Variants in CNGA1 observed in about 807,000 individuals in gnomAD.
CNGA1 encodes the protein cyclic nucleotide gated channel subunit alpha 1, also known as cyclic nucleotide-gated channel alpha-1.
In CNGA1, 53 loss-of-function variants were observed where a neutral mutation model predicts 69.7. The observed-to-expected ratio is 0.76, with a 90% CI of 0.61 to 0.96. The LOEUF is 0.96. Ranked by LOEUF, CNGA1 falls within the 40% of genes least tolerant of loss-of-function variation. The pLI, the probability that CNGA1 is intolerant of heterozygous loss-of-function variation, is 0.00. For missense variants in CNGA1, 739 were observed against 811.2 expected (o/e 0.91, Z 1.08); for synonymous variants, 249 against 283.5 (o/e 0.88, Z 1.22).
chr4:47,990,154 C>T (rs1406533981), intron 2 of CNGA1, among the ~76,000 whole-genome samples: 1 of 152,054 alleles, frequency 6.6e-6, no homozygotes, highest in Non-Finnish European at 1.5e-5. Flanking sequence ...TGAAAAAGAA[C>T]AGAATAACAG....
chr4:48,012,085 AG>A (rs1715190978), intron 1 of CNGA1, among the ~76,000 whole-genome samples: 1 of 152,188 alleles, frequency 6.6e-6, no homozygotes, highest in Non-Finnish European at 1.5e-5. Flanking sequence ...AACATGTTTT[AG>A]GGTAAAATAA....
At chr4:48,015,702 A>G (rs1715348106) in intron 1 of CNGA1, among the ~76,000 whole-genome samples, 1 of 151,932 alleles carries the variant, frequency 6.6e-6, no homozygotes, top group Non-Finnish European at 1.5e-5. Flanking sequence ...TCCTGGGCTC[A>G]AGTCATCCGT....
intron 1 of CNGA1, among the ~76,000 whole-genome samples, chr4:48,011,427 A>T (rs917594996): frequency 6.6e-6 from 1 of 151,818 alleles, no homozygotes; most frequent in Non-Finnish European, 1.5e-5. Flanking sequence ...ACACACACAC[A>T]CACATCTTGG....
intron 9 of CNGA1, among the ~76,000 whole-genome samples, 154 bp from the exon 10 acceptor site, chr4:47,941,023 CGAT>C (rs1560620135): frequency 2.0e-5 from 3 of 152,106 alleles, no homozygotes; most frequent in African/African-American, 7.2e-5. Context: ...ATGGCTCTCC[CGAT>C]ATTTTCCCTG....
In CNGA1 at chr4:47,937,482, T is replaced by G; in HGVS notation, c.1000A>C (p.Asn334His). ...GCCAAACGGCCAAATTCAGGATCAT[T>G]AATATCAGGGTAGACCCATGTATCA... ...GNDTWVYPDI[N>H]DPEFGRLARK... The change falls in exon 11 of 11, where the codon AAT becomes CAT. Residue 334 changes from asparagine (N) to histidine (H), a missense_variant. By Grantham distance (68) the Asn-to-His change is moderately conservative. Transcript: ENST00000514170. 3 of 1,614,212 alleles carry G rather than the reference T, an allele frequency of 1.9e-6. No individual in the cohort carries two copies. Among genetic ancestry groups the G allele is most frequent in the Admixed American group, 1.7e-5 (1 of 60,028 alleles).
chr4:47,999,089 G>A (rs1714538371), intron 2 of CNGA1, among the ~76,000 whole-genome samples: 1 of 152,056 alleles, frequency 6.6e-6, no homozygotes, highest in Non-Finnish European at 1.5e-5. Context: ...TCACAAAAAA[G>A]GTGAATATAG....
intron 3 of CNGA1, among the ~76,000 whole-genome samples, chr4:47,979,320 CAA>C (rs10572642): frequency 0.46 from 53,548 of 116,830 alleles, 10,677 homozygotes; most frequent in Admixed American, 0.53. Context: ...CACTCCATCT[CAA>C]AAAAAAAAAA....
chr4:47,993,888 G>A (rs321625), intron 2 of CNGA1, among the ~76,000 whole-genome samples: 26,669 of 151,868 alleles, frequency 0.18, 2,518 homozygotes, highest in Middle Eastern at 0.24. Context: ...CACTATTGTC[G>A]TTCAGTTCAA....
intron 1 of CNGA1, among the ~76,000 whole-genome samples, chr4:48,016,196 G>C (rs1242278442): frequency 6.6e-6 from 1 of 152,178 alleles, no homozygotes; most frequent in Non-Finnish European, 1.5e-5. Flanking sequence ...GGAGTTGCCT[G>C]CTGGAGACAG....
intron 2 of CNGA1, among the ~76,000 whole-genome samples, chr4:47,982,328 C>T (rs547088121): frequency 6.6e-6 from 1 of 152,182 alleles, no homozygotes; most frequent in African/African-American, 2.4e-5. Flanking sequence ...GAACAATGAA[C>T]AACCGAGTAA....
intron 3 of CNGA1, among the ~76,000 whole-genome samples, chr4:47,980,337 C>CA (rs1210627191): frequency 6.6e-6 from 1 of 152,084 alleles, no homozygotes; most frequent in Non-Finnish European, 1.5e-5. Context: ...TAAGACTGTT[C>CA]AACTTTCCAA....
chr4:47,974,123 GA>G (rs1360033984), intron 3 of CNGA1, among the ~76,000 whole-genome samples: 2 of 144,156 alleles, frequency 1.4e-5, no homozygotes, highest in African/African-American at 5.2e-5. Context: ...TAGATAGATA[GA>G]TGATAGATAG....
Position 47,937,949 on chromosome 4 carries a change from G to A in CNGA1, c.653-120C>T, listed in dbSNP as rs961779216. On this transcript the variant is annotated intron_variant, in intron 10 of 10. Transcript: ENST00000514170. ...AGAAAAATTCATTTTCAATAAATAT[G>A]CCTTTAACAATGTAATAAAATACAA... 19 of 712,464 alleles carry A rather than the reference G, an allele frequency of 2.7e-5. No homozygotes were observed. In the African/African-American group the frequency reaches 3.2e-4, roughly 12 times the overall value. 44.1% of individuals were successfully genotyped at this position (712,464 alleles called of 1,614,324 possible).
At chr4:47,970,914 G>A (rs1740979944) in intron 3 of CNGA1, 1 of 453,728 alleles carries the variant, frequency 2.2e-6, no homozygotes, top group Non-Finnish European at 4.4e-6. Context: ...CCAGCACTTT[G>A]GGAGGCTGAG....
intron 3 of CNGA1, among the ~76,000 whole-genome samples, chr4:47,953,834 G>A (rs1739890992): frequency 6.6e-6 from 1 of 152,152 alleles, no homozygotes; most frequent in Non-Finnish European, 1.5e-5. Context: ...ATAACGGGAA[G>A]GGGGACAGGG....
intron 3 of CNGA1, among the ~76,000 whole-genome samples, chr4:47,953,996 T>TC (rs1001232184): frequency 2.6e-5 from 4 of 151,226 alleles, no homozygotes; most frequent in Non-Finnish European, 5.9e-5. Context: ...AGCTGTCACG[T>TC]CCCCCCCATC....
chr4:48,015,022 C>CA (rs1200435946), intron 1 of CNGA1, among the ~76,000 whole-genome samples: 1 of 151,460 alleles, frequency 6.6e-6, no homozygotes, highest in Non-Finnish European at 1.5e-5. Flanking sequence ...AAAAAAAATA[C>CA]AAAAAATTAG....
intron 2 of CNGA1, 69 bp from the exon 3 acceptor site, chr4:47,981,569 T>C (rs1741715520): frequency 6.6e-6 from 1 of 152,180 alleles, no homozygotes; most frequent in East Asian, 1.9e-4. Flanking sequence ...ATGGCTAGTT[T>C]TCAAAATTAT....
chr4:48,006,268 A>G (rs1578128479), intron 2 of CNGA1, among the ~76,000 whole-genome samples: 2 of 152,176 alleles, frequency 1.3e-5, no homozygotes, highest in Admixed American at 1.3e-4. Context: ...TCTAAAGAGA[A>G]CCAAAAAAAG....
Sources: allele counts gnomAD v4.1 joint callset (sites outside exome capture counted in the v4.1 genomes callset), GRCh38; gene constraint gnomAD v4.1.1; transcripts MANE v1.5; gene names NCBI Gene and HGNC (gene_info 2026-07-23, HGNC 2026-07-21).